CSNK1E: variants seen among roughly 807,000 people sequenced by gnomAD.
CSNK1E encodes casein kinase I isoform epsilon.
Under a neutral mutation model 46.1 loss-of-function variants are expected in CSNK1E, and 17 were observed. The ratio of observed to expected loss-of-function variants is 0.37; its 90% CI spans 0.25 to 0.55. The LOEUF (loss-of-function observed/expected upper bound fraction) is 0.55, where lower values mean the gene tolerates loss of function less well. CSNK1E is among the 20% of genes least tolerant of loss of function. The pLI, the probability that CSNK1E is intolerant of heterozygous loss-of-function variation, is 0.82. For synonymous variants in CSNK1E, 241 were observed against 242.6 expected (o/e 0.99, Z 0.06); for missense variants, 386 against 595.4 (o/e 0.65, Z 3.66).
Position 38,298,789 on chromosome 22 carries a change from T to C in CSNK1E, c.882A>G (p.Lys294=), listed in dbSNP as rs977310443. 1 of 1,614,000 alleles carries C rather than the reference T, an allele frequency of 6.2e-7. No homozygotes were observed. Among genetic ancestry groups the C allele is most frequent in the Non-Finnish European group, 8.5e-7 (1 of 1,180,002 alleles). ...YDYVFDWNML[K]FGAARNPEDV... is the part of the protein sequence containing the mutation. The stretch of plus-strand genomic sequence containing the variant: ...CCTTGGCCTCCAGGTGACTCACGAA[T>C]TTCAGCATGTTCCAGTCAAAGACGT... The change falls in exon 7 of 11, where the codon AAA becomes AAG. Residue 294 remains lysine, a synonymous_variant. Coordinates refer to ENST00000396832, the MANE Select transcript of CSNK1E (RefSeq NM_152221.3). This position sits in a 1 kb window ranked among gnomAD's most constrained non-coding sequence, Gnocchi z 4.2.
In CSNK1E at chr22:38,303,335, G is replaced by C; in HGVS notation, c.77-87C>G. 8.4e-7 allele frequency: 1 copy of C among 1,184,010 alleles called. No individual in the cohort carries two copies. Among genetic ancestry groups the C allele is most frequent in the Non-Finnish European group, 1.2e-6 (1 of 847,188 alleles). The allele number at this position is 1,184,010 out of a possible 1,614,324, so 73.3% of individuals were successfully genotyped here. On this transcript the variant is annotated intron_variant, in intron 2 of 10. Transcript: ENST00000396832. The surrounding 1 kb of genome is among the most constrained non-coding windows in gnomAD (Gnocchi z 4.7). ...CCCCACTAAGCATTTCTGAGATCTG[G>C]CGTGTGCCGGGCCCGGGGCCATCTG...
At chr22:38,305,081 C>G (rs889439867) in intron 2 of CSNK1E, among the ~76,000 whole-genome samples, 6 of 142,794 alleles carry the variant, frequency 4.2e-5, no homozygotes, top group African/African-American at 1.6e-4. Flanking sequence ...GAGATTGTGC[C>G]ATTGCACGCT....
At chr22:38,308,464 T>C (rs907304713) in intron 2 of CSNK1E, among the ~76,000 whole-genome samples, 7 of 152,008 alleles carry the variant, frequency 4.6e-5, no homozygotes, top group Admixed American at 2.6e-4. Flanking sequence ...GCCAACCTAC[T>C]AGAGCCCAAA....
In CSNK1E at chr22:38,317,347, TCGC is replaced by T. The variant is rs533879848; in HGVS notation, c.-203_-201del. 0.37 allele frequency: 45,142 copies of T among 122,860 alleles called. 8,917 individuals carry two copies. The highest frequency in any genetic ancestry group is 0.45 in the African/African-American group (13,834 of 30,560). 7.6% of individuals were successfully genotyped at this position (122,860 alleles called of 1,614,324 possible). ...CCGGCCGGGCTCTGGCTCTGGGCTC[TCGC>T]CGCCGCCGCCGCCGCCGCCGCCGCC... is the stretch of plus-strand genomic sequence containing the variant. On this transcript the variant is annotated 5_prime_UTR_variant, in exon 1 of 11. Transcript: ENST00000396832.
chr22:38,315,905 G>A (rs569705246), intron 1 of CSNK1E, among the ~76,000 whole-genome samples: 2 of 152,196 alleles, frequency 1.3e-5, no homozygotes, highest in Non-Finnish European at 1.5e-5. Context: ...GAAGGGGCAA[G>A]CCCTTCAGGA....
chr22:38,313,985 C>T lies in CSNK1E; in HGVS notation c.76+97G>A, dbSNP rs118124661. On this transcript the variant is annotated intron_variant, in intron 2 of 10. Coordinates refer to ENST00000396832, the MANE Select transcript of CSNK1E (RefSeq NM_152221.3). Reference sequence around the variant, plus strand: ...CTGGGGCAAATCATGCCCCTGGAGCCACATTCTGACTTCAGATCCCCAAAT... The same window carrying T: ...CTGGGGCAAATCATGCCCCTGGAGCTACATTCTGACTTCAGATCCCCAAAT... 611 of 1,139,568 alleles carry T rather than the reference C, an allele frequency of 5.4e-4. 2 individuals are homozygous for T. In the East Asian group the frequency reaches 0.011, roughly 21 times the overall value. 70.6% of individuals were successfully genotyped at this position (1,139,568 alleles called of 1,614,324 possible).
At chr22:38,302,300 G>GT (rs2092676982) in intron 4 of CSNK1E, among the ~76,000 whole-genome samples, 1 of 152,186 alleles carries the variant, frequency 6.6e-6, no homozygotes, top group Non-Finnish European at 1.5e-5. Context: ...AAGGCCAGGA[G>GT]TTTGAGACCA....
chr22:38,294,110 T>C lies in CSNK1E; in HGVS notation c.1217A>G (p.Gln406Arg). 1 of 1,609,018 alleles carries C rather than the reference T, an allele frequency of 6.2e-7. No homozygotes were observed. Among genetic ancestry groups the C allele is most frequent in the Non-Finnish European group, 8.5e-7 (1 of 1,179,366 alleles). The change falls in exon 9 of 11, where the codon CAG (glutamine) becomes CGG (arginine). Residue 406 changes from glutamine (Q) to arginine (R), a missense_variant and splice_region_variant. By Grantham distance (43) the Gln-to-Arg change is conservative (BLOSUM62 1). Transcript: ENST00000396832. This position sits in a 1 kb window ranked among gnomAD's most constrained non-coding sequence, Gnocchi z 5.5. ...RQEVSRIPAS[Q>R]TSVPFDHLGK ...GGGACTGGCAGGGGGGCAGCTCACC[T>C]GTGAGGCTGGGATCCGGGAGACCTC...
chr22:38,302,792 G>T, intron 4 of CSNK1E, 69 bp downstream of exon 4: 1 of 1,577,276 alleles, frequency 6.3e-7, no homozygotes, highest in Non-Finnish European at 8.7e-7. Context: ...ATCCTCTGGG[G>T]GCAGGAGGCA....
In CSNK1E at chr22:38,314,148, G is replaced by A. The variant is rs1419174372; in HGVS notation, c.10C>T (p.Arg4Cys). 1.2e-6 allele frequency: 2 copies of A among 1,613,888 alleles called. No homozygotes were observed. Among genetic ancestry groups the A allele is most frequent in the Non-Finnish European group, 1.7e-6 (2 of 1,179,934 alleles). The change falls in exon 2 of 11, where the codon CGT (arginine) becomes TGT (cysteine). Residue 4 changes from arginine (R) to cysteine (C), a missense_variant. By Grantham distance (180) the Arg-to-Cys change is radical. Coordinates refer to ENST00000396832, the MANE Select transcript of CSNK1E (RefSeq NM_152221.3). MEL[R>C]VGNKYRLGRK... ...CCCAGGCGGTACTTGTTCCCCACAC[G>A]TAGCTCCATGGCTCACTCTTGCTGC... is the stretch of plus-strand genomic sequence containing the variant.
chr22:38,307,651 G>A (rs144662391), intron 2 of CSNK1E, among the ~76,000 whole-genome samples: 3 of 152,328 alleles, frequency 2.0e-5, no homozygotes, highest in African/African-American at 4.8e-5. Flanking sequence ...GTATCTGAGG[G>A]GGATCCTGGA....
chr22:38,296,814 G>T, intron 7 of CSNK1E: 2 of 1,197,338 alleles, frequency 1.7e-6, no homozygotes, highest in Non-Finnish European at 2.3e-6. Context: ...GCCGGATGTG[G>T]TGGCCACTGG....
chr22:38,296,828 G>GCCCTC, intron 7 of CSNK1E: 4 of 988,202 alleles, frequency 4.0e-6, no homozygotes, highest in Non-Finnish European at 6.0e-6. Flanking sequence ...CCACTGGAGG[G>GCCCTC]CAGTGGCATG....
chr22:38,293,183 G>T, intron 10 of CSNK1E, 72 bp downstream of exon 10: 1 of 1,204,738 alleles, frequency 8.3e-7, no homozygotes, highest in Non-Finnish European at 1.2e-6. Context: ...ACAACACATT[G>T]GTCTCTTTCT....
intron 2 of CSNK1E, among the ~76,000 whole-genome samples, chr22:38,312,330 ATCTG>A (rs940902261): frequency 9.9e-5 from 15 of 152,278 alleles, no homozygotes; most frequent in Non-Finnish European, 1.6e-4. Context: ...GACTCCAGCA[ATCTG>A]TCTGTCTTGG....
rs1282023622 is a variant in CSNK1E at position 38,300,741 on chromosome 22, T to C, written c.548A>G (p.Asn183Ser). The change falls in exon 5 of 11, where the codon AAC becomes AGC. Residue 183 changes from asparagine (N) to serine (S), a missense_variant. Asn to Ser is a conservative substitution (Grantham distance 46). Around this residue, in one of 2 missense-constraint regions of CSNK1E, gnomAD observed 212 missense variants for 410.2 expected, o/e 0.52. Transcript: ENST00000396832. This position sits in a 1 kb window ranked among gnomAD's most constrained non-coding sequence, Gnocchi z 4.4. The stretch of plus-strand genomic sequence containing the variant: ...TCCCTCACCAATGCCCAGGTGCGTG[T>C]TGATGGAAGCGTAGCGGGCCGTGCC... Reference protein sequence around the residue: ...LTGTARYASINTHLGIEQSRR... With the variant: ...LTGTARYASISTHLGIEQSRR... The C allele has an allele frequency of 1.9e-6, 3 of 1,614,016 alleles. No homozygotes were observed. The highest frequency in any genetic ancestry group is 2.5e-6 in the Non-Finnish European group (3 of 1,180,004).
chr22:38,303,088 C>T lies in CSNK1E; in HGVS notation c.187+50G>A. 1.9e-6 allele frequency: 3 copies of T among 1,598,288 alleles called. No homozygotes were observed. Among genetic ancestry groups the T allele is most frequent in the Non-Finnish European group, 2.6e-6 (3 of 1,172,708 alleles). On this transcript the variant is annotated intron_variant, in intron 3 of 10. Coordinates refer to ENST00000396832, the MANE Select transcript of CSNK1E (RefSeq NM_152221.3). The surrounding 1 kb of genome is among the most constrained non-coding windows in gnomAD (Gnocchi z 4.7). ...CGCCCGGCCCACCCTGTGCTCATGG[C>T]TGCCCACCGCCACCCACCCGGCGCC... is the stretch of plus-strand genomic sequence containing the variant.
Position 38,300,609 on chromosome 22 carries a change from C to G in CSNK1E, c.565+115G>C. On this transcript the variant is annotated intron_variant, in intron 5 of 10. Coordinates refer to ENST00000396832, the MANE Select transcript of CSNK1E (RefSeq NM_152221.3). The surrounding 1 kb of genome is among the most constrained non-coding windows in gnomAD (Gnocchi z 4.4). ...TGGGGGCAGACGGGGTGGGGACTTTCTCACTAGAAAAGAGCCTGGGGGCCT... is the reference window on the plus strand; with the variant it reads ...TGGGGGCAGACGGGGTGGGGACTTTGTCACTAGAAAAGAGCCTGGGGGCCT... The G allele has an allele frequency of 3.0e-6, 3 of 1,013,934 alleles. No individual in the cohort carries two copies. The Admixed American group carries it at 7.2e-5, about 24-fold the overall frequency. The allele number at this position is 1,013,934 out of a possible 1,614,324, so 62.8% of individuals were successfully genotyped here.
chr22:38,293,130 G>A (rs1279773908), intron 10 of CSNK1E, 125 bp downstream of exon 10: 3 of 790,114 alleles, frequency 3.8e-6, no homozygotes, highest in Non-Finnish European at 6.6e-6. Context: ...GAGTTCTGGG[G>A]CGCCTGGTAC....
Sources: allele counts gnomAD v4.1 joint callset (sites outside exome capture counted in the v4.1 genomes callset), GRCh38; gene constraint gnomAD v4.1.1; regional missense constraint gnomAD v4.1.1; non-coding constraint Gnocchi (gnomAD v3.1); transcripts MANE v1.5; gene names NCBI Gene and HGNC (gene_info 2026-07-23, HGNC 2026-07-21).